Variants in PTBP3 observed in about 807,000 individuals in gnomAD.
PTBP3 encodes the protein polypyrimidine tract-binding protein 3.
PTBP3 carries 20 observed loss-of-function variants against 58.7 expected under a neutral mutation model. That is an observed-to-expected ratio of 0.34 (90% CI 0.24 to 0.50). The LOEUF (loss-of-function observed/expected upper bound fraction) is 0.50. Among genes scored for constraint, PTBP3 ranks in the 20% least tolerant of loss-of-function variants. The probability of loss-of-function intolerance (pLI) is 0.98; values close to 1 mark genes in which losing one functional copy is unlikely to be tolerated. For missense variants in PTBP3, 509 were observed against 637.2 expected, an observed-to-expected ratio of 0.80 and a Z score of 2.17; for synonymous variants, 185 against 219.8, an observed-to-expected ratio of 0.84 and a Z score of 1.40.
the PTBP3 span, among the ~76,000 whole-genome samples, chr9:112,346,447 A>G: frequency 3.3e-5 from 5 of 151,878 alleles, no homozygotes; most frequent in African/African-American, 1.2e-4. Context: ...GATTACAGGC[A>G]TGAGCCACCA....
At chr9:112,330,450 G>T in intron 1 of PTBP3, 2 of 1,524,440 alleles carry the variant, frequency 1.3e-6, no homozygotes, top group South Asian at 1.2e-5. Context: ...CCTTTAAACC[G>T]ACTGTTATAA....
Position 112,277,993 on chromosome 9 carries a change from C to T in PTBP3, c.35-1980G>A, listed in dbSNP as rs187898970. On this transcript the variant is annotated intron_variant, in intron 2 of 13. Coordinates refer to ENST00000374257, the MANE Select transcript of PTBP3 (RefSeq NM_001163788.4). ...TAACATAACATAATGTATATCATGT[C>T]ATTATTCTGCTCCAAAAACCTAAAC... Among the ~76,000 whole-genome samples, 23 of 151,444 alleles carry T rather than the reference C, an allele frequency of 1.5e-4. No homozygotes were observed. The East Asian group carries it at 3.1e-3, about 21-fold the overall frequency.
upstream of PTBP3, among the ~76,000 whole-genome samples, chr9:112,337,039 G>A (rs1017627160): frequency 3.9e-5 from 6 of 152,156 alleles, no homozygotes; most frequent in African/African-American, 1.4e-4. Flanking sequence ...TTGTTTGTTT[G>A]TTTGTTTGGA....
intron 7 of PTBP3, 112 bp from the exon 8 acceptor site, chr9:112,235,009 G>A (rs983356371): frequency 1.8e-5 from 15 of 811,280 alleles, no homozygotes; most frequent in Admixed American, 8.1e-5. Context: ...ATTCTGTTAC[G>A]GAGTAAAGAT....
chr9:112,256,264 A>AC (rs1249137022), intron 5 of PTBP3, among the ~76,000 whole-genome samples: 7 of 127,046 alleles, frequency 5.5e-5, no homozygotes, highest in Non-Finnish European at 9.8e-5. Flanking sequence ...CAAAAAAAAA[A>AC]AAAACAAAAT....
chr9:112,281,444 C>T (rs1183726231), intron 2 of PTBP3: 1 of 152,258 alleles, frequency 6.6e-6, no homozygotes, highest in Admixed American at 6.5e-5. Context: ...TGCTCTCACA[C>T]TGCTACCACA....
chr9:112,339,842 A>G, the PTBP3 span, among the ~76,000 whole-genome samples: 1 of 152,200 alleles, frequency 6.6e-6, no homozygotes, highest in Admixed American at 6.5e-5. Flanking sequence ...CTGGGATTAC[A>G]GGTGTCAGAC....
intron 10 of PTBP3, among the ~76,000 whole-genome samples, chr9:112,230,248 C>T (rs1026683120): frequency 2.6e-5 from 4 of 152,102 alleles, no homozygotes; most frequent in South Asian, 2.1e-4. Context: ...ACTGCTTGAG[C>T]CCAAGAGTTT....
chr9:112,247,972 G>C (rs1317029183), intron 7 of PTBP3, among the ~76,000 whole-genome samples: 1 of 152,020 alleles, frequency 6.6e-6, no homozygotes, highest in Non-Finnish European at 1.5e-5. Flanking sequence ...ATACTCAGAT[G>C]ATCTAAGTAA....
At chr9:112,328,931 G>A (rs1830261926) in intron 1 of PTBP3, among the ~76,000 whole-genome samples, 1 of 152,184 alleles carries the variant, frequency 6.6e-6, no homozygotes, top group South Asian at 2.1e-4. Flanking sequence ...AATCTATAAT[G>A]TGTAAGACAC....
At chr9:112,368,184 T>G in the PTBP3 span, among the ~76,000 whole-genome samples, 2 of 152,256 alleles carry the variant, frequency 1.3e-5, no homozygotes, top group South Asian at 4.1e-4. Context: ...TATTTTTTAT[T>G]TTTTGAGACA....
chr9:112,274,239 A>C (rs1261841738), intron 3 of PTBP3, among the ~76,000 whole-genome samples: 1 of 152,238 alleles, frequency 6.6e-6, no homozygotes, highest in Non-Finnish European at 1.5e-5. Context: ...GATTTACTAA[A>C]TATAGGGAAC....
chr9:112,322,506 G>A (rs760880003), intron 1 of PTBP3, among the ~76,000 whole-genome samples: 14 of 152,178 alleles, frequency 9.2e-5, no homozygotes, highest in Non-Finnish European at 1.3e-4. Flanking sequence ...ATAGCTCAAA[G>A]AGCTGCAAGG....
In PTBP3 at chr9:112,220,476, G is replaced by A. The variant is rs1247966924; in HGVS notation, c.*3375C>T. On this transcript the variant is annotated 3_prime_UTR_variant, in exon 14 of 14. Coordinates refer to ENST00000374257, the MANE Select transcript of PTBP3 (RefSeq NM_001163788.4). ...GAACCCATGATTATCATACTAGGTG[G>A]AGCCAAAGAAGGCCTCACTGTCATA... The A allele has an allele frequency of 9.3e-7, 1 of 1,078,836 alleles. No individual in the cohort carries two copies. The highest frequency in any genetic ancestry group is 1.7e-5 in the African/African-American group (1 of 59,150). 66.8% of individuals were successfully genotyped at this position (1,078,836 alleles called of 1,614,324 possible).
At chr9:112,225,992 T>G (rs2131948656) in intron 12 of PTBP3, among the ~76,000 whole-genome samples, 1 of 152,066 alleles carries the variant, frequency 6.6e-6, no homozygotes, top group Admixed American at 6.6e-5. Context: ...TGCAGTGAGC[T>G]GAGATCACAC....
chr9:112,255,674 A>C (rs1157679809), intron 5 of PTBP3, among the ~76,000 whole-genome samples: 1 of 152,112 alleles, frequency 6.6e-6, no homozygotes, highest in Non-Finnish European at 1.5e-5. Flanking sequence ...GCCCTGGTTT[A>C]TCTCTCAAAC....
the PTBP3 span, among the ~76,000 whole-genome samples, chr9:112,361,092 A>G: frequency 6.6e-6 from 1 of 151,842 alleles, no homozygotes; most frequent in African/African-American, 2.4e-5. Flanking sequence ...GACTTTATTT[A>G]TTTATTTATT....
At chr9:112,289,781 G>T (rs1322128711) in intron 2 of PTBP3, among the ~76,000 whole-genome samples, 3 of 152,018 alleles carry the variant, frequency 2.0e-5, no homozygotes, top group African/African-American at 7.2e-5. Context: ...TACTTATTTT[G>T]TGTGTGTGTA....
At chr9:112,331,399 A>G (rs1168915898) in intron 1 of PTBP3, among the ~76,000 whole-genome samples, 1 of 152,202 alleles carries the variant, frequency 6.6e-6, no homozygotes, top group Admixed American at 6.5e-5. Context: ...GTTTTTCTTC[A>G]TATCTCCTAG....
Sources: gnomAD v4.1 joint callset for allele counts (sites outside exome capture counted in the v4.1 genomes callset) on GRCh38, gnomAD v4.1.1 for gene constraint, MANE v1.5 for transcripts, NCBI Gene and HGNC (gene_info 2026-07-23, HGNC 2026-07-21) for gene names.